Variants in DOCK4 observed in about 807,000 individuals in gnomAD.
DOCK4 encodes the protein dedicator of cytokinesis 4, also known as dedicator of cytokinesis protein 4.
DOCK4 carries 97 observed loss-of-function variants against 268.1 expected under a neutral mutation model. The observed-to-expected ratio is 0.36, with a 90% CI of 0.31 to 0.43. The LOEUF (loss-of-function observed/expected upper bound fraction) is 0.43. DOCK4 is among the 20% of genes least tolerant of loss of function. The pLI, the probability that DOCK4 is intolerant of heterozygous loss-of-function variation, is 1.00. For synonymous variants in DOCK4, 954 were observed against 887.2 expected, an observed-to-expected ratio of 1.08 and a Z score of -1.34; for missense variants, 2,145 against 2,455.7, an observed-to-expected ratio of 0.87 and a Z score of 2.67.
chr7:112,017,434 G>A (rs1801903757), intron 1 of DOCK4, among the ~76,000 whole-genome samples: 1 of 152,166 alleles, frequency 6.6e-6, no homozygotes, highest in Admixed American at 6.5e-5. Context: ...ATGAAAACTG[G>A]GTGATGGGAG....
Position 111,797,887 on chromosome 7 carries a change from C to T in DOCK4, c.3167-7282G>A, listed in dbSNP as rs145928490. ...CATTCTAAAAAACAAGTTTATTACACAGGCAGCTCCCAATATTAAAAGGAA... is the reference window on the plus strand; with the variant it reads ...CATTCTAAAAAACAAGTTTATTACATAGGCAGCTCCCAATATTAAAAGGAA... On this transcript the variant is annotated intron_variant, in intron 30 of 52. Transcript: ENST00000428084. 3.3e-5 allele frequency among the ~76,000 whole-genome samples: 5 copies of T among 152,244 alleles called. No individual in the cohort carries two copies. In the East Asian group the frequency reaches 7.7e-4, roughly 23 times the overall value.
chr7:111,994,666 G>T (rs527793571), intron 4 of DOCK4, among the ~76,000 whole-genome samples: 4 of 152,236 alleles, frequency 2.6e-5, no homozygotes, highest in African/African-American at 9.6e-5. Flanking sequence ...AGGACATGAT[G>T]GCTGTGGGCA....
chr7:112,163,262 T>A (rs1007075122), intron 1 of DOCK4, among the ~76,000 whole-genome samples: 3 of 151,896 alleles, frequency 2.0e-5, no homozygotes, highest in African/African-American at 7.3e-5. Flanking sequence ...TACCCCAGCA[T>A]CCTGCCCTCC....
In DOCK4 at chr7:111,870,552, C is replaced by A. The variant is rs539409282; in HGVS notation, c.2028-897G>T. Among the ~76,000 whole-genome samples, 6 of 152,176 alleles carry A rather than the reference C, an allele frequency of 3.9e-5. 1 individual carries two copies. In the South Asian group the frequency reaches 1.2e-3, roughly 32 times the overall value. ...GGTCAGGCTGGTCTTGAACTCCTGA[C>A]CTCAAATGATCTGTCCACCTTGGCC... On this transcript the variant is annotated intron_variant, in intron 20 of 52. Coordinates refer to ENST00000428084, the MANE Select transcript of DOCK4 (RefSeq NM_001363540.2).
Position 111,901,707 on chromosome 7 carries a change from G to T in DOCK4, c.1287C>A (p.Phe429Leu), listed in dbSNP as rs1163934043. Residue 429 changes from phenylalanine (F) to leucine (L), a missense_variant, in exon 14 of 53, where the codon TTC becomes TTA. Transcript: ENST00000428084. ...GGGTTTGGCCACTACTGTCTACAATGAACATCGTAACTTCCACATTTCTGG... is the reference window on the plus strand; with the variant it reads ...GGGTTTGGCCACTACTGTCTACAATTAACATCGTAACTTCCACATTTCTGG... ...SVARNVEVTM[F>L]IVDSSGQTLK... 6.2e-7 allele frequency: 1 copy of T among 1,613,372 alleles called. No homozygotes were observed. The highest frequency in any genetic ancestry group is 8.5e-7 in the Non-Finnish European group (1 of 1,179,756).
chr7:111,996,327 T>A (rs574961825), intron 4 of DOCK4, among the ~76,000 whole-genome samples: 5 of 152,182 alleles, frequency 3.3e-5, no homozygotes, highest in Non-Finnish European at 7.4e-5. Context: ...AGGTGACTGT[T>A]TTCTATTAAT....
chr7:111,899,796 C>T (rs1025918837), intron 15 of DOCK4, among the ~76,000 whole-genome samples: 1 of 152,148 alleles, frequency 6.6e-6, no homozygotes, highest in South Asian at 2.1e-4. Context: ...GGTGGCCGGG[C>T]GCCTGTAGTC....
At chr7:111,829,937 G>T (rs960260252) in intron 26 of DOCK4, among the ~76,000 whole-genome samples, 8 of 152,052 alleles carry the variant, frequency 5.3e-5, no homozygotes, top group Non-Finnish European at 1.0e-4. Context: ...TTTATTGGAG[G>T]TGCTATATAT....
intron 1 of DOCK4, among the ~76,000 whole-genome samples, chr7:112,168,247 CT>C (rs1459991269): frequency 2.6e-5 from 4 of 152,174 alleles, no homozygotes; most frequent in African/African-American, 9.7e-5. Context: ...ATTCAAATGT[CT>C]TTCATTTGGA....
At chr7:111,873,502 CGAGAG>C in intron 17 of DOCK4, among the ~76,000 whole-genome samples, 1 of 151,986 alleles carries the variant, frequency 6.6e-6, no homozygotes, top group African/African-American at 2.4e-5. Flanking sequence ...CTAGACTGGC[CGAGAG>C]AGGAGCCAGG....
chr7:112,160,756 C>T lies in DOCK4; in HGVS notation c.37+45346G>A, dbSNP rs544619624. Among the ~76,000 whole-genome samples, 24 of 152,342 alleles carry T rather than the reference C, an allele frequency of 1.6e-4. No individual in the cohort carries two copies. The East Asian group carries it at 3.1e-3, about 20-fold the overall frequency. On this transcript the variant is annotated intron_variant, in intron 1 of 52. Transcript: ENST00000428084. ...ATTTGTCAAACTTTAGCTTTCTATA[C>T]ACTTATCTTTCGAAACAACTTACTT...
intron 8 of DOCK4, among the ~76,000 whole-genome samples, chr7:111,968,504 T>A (rs62474280): frequency 2.0e-5 from 2 of 99,904 alleles, no homozygotes; most frequent in Non-Finnish European, 1.9e-5. Flanking sequence ...TCAAAACCAC[T>A]ATGAGATATC....
At position 111,739,444 on chromosome 7, in the gene DOCK4, G is replaced by C; in HGVS notation, c.5074C>G (p.His1692Asp). Residue 1692 changes from histidine to aspartate, a missense_variant, in exon 48 of 53, where the codon CAC (histidine) becomes GAC (aspartate). This residue lies in a region of DOCK4 where 547 missense variants were observed against 469.0 expected (regional missense o/e 1.17). Coordinates refer to ENST00000428084, the MANE Select transcript of DOCK4 (RefSeq NM_001363540.2). Reference protein sequence around the residue: ...SPSTSSLSSTHSASPNVTSSA... With the variant: ...SPSTSSLSSTDSASPNVTSSA... ...CTTGTCACATTAGGTGAAGCCGAGT[G>C]AGTAGAACTCAAGCTTGAGGTAGAT... The C allele has an allele frequency of 6.3e-7, 1 of 1,575,394 alleles. No individual in the cohort carries two copies. Among genetic ancestry groups the C allele is most frequent in the Non-Finnish European group, 8.6e-7 (1 of 1,160,444 alleles).
At position 111,760,201 on chromosome 7, in the gene DOCK4, A is replaced by G. The variant is rs372388152; in HGVS notation, c.4142T>C (p.Ile1381Thr). ...GATACACTGAGCTTCTGCCTGGAAG[A>G]TGGTCTCATCGGGCTGGTTGGCGTG... Reference protein sequence around the residue: ...MQHANQPDETIFQAEAQYLQI... With the variant: ...MQHANQPDETTFQAEAQYLQI... The change falls in exon 40 of 53, where the codon ATC (isoleucine) becomes ACC (threonine). Residue 1381 changes from isoleucine (I) to threonine (T), a missense_variant. Ile to Thr is a moderately conservative substitution (Grantham distance 89). Coordinates refer to ENST00000428084, the MANE Select transcript of DOCK4 (RefSeq NM_001363540.2). 3.1e-6 allele frequency: 5 copies of G among 1,613,952 alleles called. No homozygotes were observed. The highest frequency in any genetic ancestry group is 1.7e-5 in the Admixed American group (1 of 60,026).
intron 30 of DOCK4, among the ~76,000 whole-genome samples, chr7:111,803,226 T>C (rs544904594): frequency 1.1e-4 from 16 of 152,348 alleles, no homozygotes; most frequent in African/African-American, 3.6e-4. Flanking sequence ...GAATAGCTTA[T>C]TTGCTGAAAA....
chr7:111,841,102 T>C lies in DOCK4; in HGVS notation c.2736+3661A>G, dbSNP rs181021461. 6.6e-5 allele frequency among the ~76,000 whole-genome samples: 10 copies of C among 152,292 alleles called. 2 individuals are homozygous for C. The highest frequency in any genetic ancestry group is 2.4e-4 in the African/African-American group (10 of 41,580). On this transcript the variant is annotated intron_variant, in intron 25 of 52. Transcript: ENST00000428084. ...GATACTGTTTAAACACCTTTACAGATTTGATGAAATCCTCACACTAACTTT... is the reference window on the plus strand; with the variant it reads ...GATACTGTTTAAACACCTTTACAGACTTGATGAAATCCTCACACTAACTTT...
At chr7:112,192,154 A>G (rs1003917745) in intron 1 of DOCK4, among the ~76,000 whole-genome samples, 3 of 151,700 alleles carry the variant, frequency 2.0e-5, no homozygotes, top group Non-Finnish European at 4.4e-5. Flanking sequence ...AAGGAGAAGA[A>G]TCGATCCTAA....
At chr7:112,141,585 T>A (rs774168312) in intron 1 of DOCK4, among the ~76,000 whole-genome samples, 1 of 152,192 alleles carries the variant, frequency 6.6e-6, no homozygotes, top group South Asian at 2.1e-4. Context: ...TTTCCTTATA[T>A]ATAAATGATA....
intron 16 of DOCK4, among the ~76,000 whole-genome samples, chr7:111,881,500 T>A (rs907368697): frequency 6.6e-6 from 1 of 152,130 alleles, no homozygotes; most frequent in African/African-American, 2.4e-5. Context: ...ATAACCACTA[T>A]GGAGAAGAGT....
Sources: gnomAD v4.1 joint callset for allele counts (sites outside exome capture counted in the v4.1 genomes callset) on GRCh38, gnomAD v4.1.1 for gene constraint, gnomAD v4.1.1 regional missense constraint, MANE v1.5 for transcripts, NCBI Gene and HGNC (gene_info 2026-07-23, HGNC 2026-07-21) for gene names.